The following GABBR2 variants were observed in gnomAD, a reference collection of about 807,000 sequenced individuals.
GABBR2 encodes G-protein coupled receptor 51.
A neutral mutation model predicts 105.6 loss-of-function variants in GABBR2; 23 were observed. The observed-to-expected ratio is 0.22, with a 90% CI of 0.16 to 0.31. The LOEUF is 0.31. Among genes scored for constraint, GABBR2 ranks in the 10% least tolerant of loss-of-function variants. The pLI, the probability that GABBR2 is intolerant of heterozygous loss-of-function variation, is 1.00. For synonymous variants in GABBR2, 478 were observed against 499.7 expected, an observed-to-expected ratio of 0.96 and a Z score of 0.58; for missense variants, 734 against 1,245.5, an observed-to-expected ratio of 0.59 and a Z score of 6.18.
chr9:98,538,650 G>C, intron 3 of GABBR2: 1 of 968,120 alleles, frequency 1.0e-6, no homozygotes, highest in Non-Finnish European at 1.2e-6. Flanking sequence ...ACAGTAATAA[G>C]CTCCGTGGGA....
intron 5 of GABBR2, among the ~76,000 whole-genome samples, chr9:98,479,904 T>C (rs1247455902): frequency 6.6e-6 from 1 of 152,168 alleles, no homozygotes; most frequent in Non-Finnish European, 1.5e-5. Context: ...CCTCTACCAC[T>C]TGGACTTAGG....
At chr9:98,632,265 T>G (rs1002534464) in intron 1 of GABBR2, among the ~76,000 whole-genome samples, 16 of 152,226 alleles carry the variant, frequency 1.1e-4, no homozygotes, top group Non-Finnish European at 2.2e-4. Context: ...AGCCTCCAGT[T>G]TCCTCATCTG....
Position 98,424,416 on chromosome 9 carries a change from G to T in GABBR2, c.1237-18275C>A, listed in dbSNP as rs573505615. 2.2e-3 allele frequency among the ~76,000 whole-genome samples: 335 copies of T among 151,650 alleles called. 3 individuals are homozygous for T. Among genetic ancestry groups the T allele is most frequent in the African/African-American group, 7.3e-3 (301 of 41,360 alleles). ...AACTGGAAGCATTCCCTTTGAAAACGGGCACAAGACAGGGATGCCCTCTCT... is the reference window on the plus strand; with the variant it reads ...AACTGGAAGCATTCCCTTTGAAAACTGGCACAAGACAGGGATGCCCTCTCT... On this transcript the variant is annotated intron_variant, in intron 7 of 18. Transcript: ENST00000259455.
At chr9:98,496,888 T>C (rs1302969805) in intron 3 of GABBR2, among the ~76,000 whole-genome samples, 1 of 152,258 alleles carries the variant, frequency 6.6e-6, no homozygotes, top group Non-Finnish European at 1.5e-5. Flanking sequence ...TTTGCAACAT[T>C]ATTTCACTTT....
intron 3 of GABBR2, among the ~76,000 whole-genome samples, chr9:98,508,932 AGCATGCAGCTGGAGATGT>A (rs903375689): frequency 2.6e-5 from 4 of 152,336 alleles, no homozygotes; most frequent in African/African-American, 9.6e-5. Context: ...TGGTTCTCCC[AGCATGCAGCTGGAGATGT>A]GACAATGGGC....
chr9:98,298,216 T>C (rs1830413379), intron 17 of GABBR2, among the ~76,000 whole-genome samples: 1 of 152,218 alleles, frequency 6.6e-6, no homozygotes, highest in Non-Finnish European at 1.5e-5. Context: ...AATCATAATG[T>C]TGGCTTTCAT....
intron 9 of GABBR2, among the ~76,000 whole-genome samples, chr9:98,391,796 T>C (rs1054868655): frequency 3.3e-5 from 5 of 151,832 alleles, no homozygotes; most frequent in Non-Finnish European, 7.4e-5. Flanking sequence ...CAGCTCAGAG[T>C]GAGGTCCCCT....
At chr9:98,539,097 A>T (rs1828239690) in intron 3 of GABBR2, among the ~76,000 whole-genome samples, 1 of 152,222 alleles carries the variant, frequency 6.6e-6, no homozygotes. Flanking sequence ...AGGACCATGT[A>T]GCGAGGACAC....
chr9:98,692,373 G>A (rs1052759435), intron 1 of GABBR2, among the ~76,000 whole-genome samples: 1 of 152,210 alleles, frequency 6.6e-6, no homozygotes, highest in African/African-American at 2.4e-5. Flanking sequence ...CAGCCACTCT[G>A]AGCGCCTCCC....
chr9:98,410,335 A>T (rs999692470), intron 7 of GABBR2, among the ~76,000 whole-genome samples: 1 of 151,944 alleles, frequency 6.6e-6, no homozygotes, highest in Admixed American at 6.6e-5. Context: ...GGGGGCTGAT[A>T]ACTGTCTGGT....
intron 3 of GABBR2, among the ~76,000 whole-genome samples, chr9:98,502,448 C>G (rs1210135684): frequency 6.6e-6 from 1 of 152,194 alleles, no homozygotes; most frequent in East Asian, 1.9e-4. Flanking sequence ...TAGAATCACC[C>G]AGCCTTGGGT....
chr9:98,633,540 G>C lies in GABBR2; in HGVS notation c.322-55468C>G, dbSNP rs1043350280. On this transcript the variant is annotated intron_variant, in intron 1 of 18. Transcript: ENST00000259455. ...CTTGGGAGGCTGAGGTAGGAGAATC[G>C]CTTGAACCCGGAGGTGGAGGTTACA... Among the ~76,000 whole-genome samples, 3 of 149,802 alleles carry C rather than the reference G, an allele frequency of 2.0e-5. No homozygotes were observed. The Admixed American group carries it at 2.0e-4, about 10-fold the overall frequency.
In GABBR2 at chr9:98,446,668, TAC is replaced by T. The variant is rs553938745; in HGVS notation, c.1236+7311_1236+7312del. Among the ~76,000 whole-genome samples, 338 of 152,166 alleles carry T rather than the reference TAC, an allele frequency of 2.2e-3. 3 individuals carry two copies. Among genetic ancestry groups the T allele is most frequent in the African/African-American group, 7.6e-3 (314 of 41,512 alleles). On this transcript the variant is annotated intron_variant, in intron 7 of 18. Transcript: ENST00000259455. ...TGGGATGTGCTGGGGACACATGAGGTACAGAGAAAGTTCTGGATGGGTTTTCT... is the reference window on the plus strand; with the variant it reads ...TGGGATGTGCTGGGGACACATGAGGTAGAGAAAGTTCTGGATGGGTTTTCT...
intron 13 of GABBR2, among the ~76,000 whole-genome samples, chr9:98,359,006 T>C (rs1831536203): frequency 6.6e-6 from 1 of 152,166 alleles, no homozygotes; most frequent in Non-Finnish European, 1.5e-5. Context: ...AGTTTCCTCA[T>C]CTATAAAATG....
intron 7 of GABBR2, among the ~76,000 whole-genome samples, chr9:98,437,553 C>G (rs1825947050): frequency 6.6e-6 from 1 of 151,674 alleles, no homozygotes. Context: ...ATCTACACAT[C>G]TATCCTTTCA....
intron 13 of GABBR2, among the ~76,000 whole-genome samples, chr9:98,340,514 C>A (rs1019629943): frequency 6.6e-6 from 1 of 151,964 alleles, no homozygotes; most frequent in African/African-American, 2.4e-5. Context: ...CTTGCCTTGG[C>A]TTCCCAAAGT....
intron 8 of GABBR2, among the ~76,000 whole-genome samples, chr9:98,400,146 T>C (rs1564052263): frequency 6.7e-6 from 1 of 149,316 alleles, no homozygotes; most frequent in East Asian, 1.9e-4. Context: ...ATTGTGCCAC[T>C]GTAGTACTCC....
chr9:98,651,870 TA>T (rs2131846364), intron 1 of GABBR2, among the ~76,000 whole-genome samples: 1 of 152,366 alleles, frequency 6.6e-6, no homozygotes, highest in East Asian at 1.9e-4. Context: ...TTTTTTATAT[TA>T]AAGAATTAAT....
chr9:98,335,090 T>C (rs1831089789), intron 13 of GABBR2, among the ~76,000 whole-genome samples: 1 of 152,200 alleles, frequency 6.6e-6, no homozygotes, highest in African/African-American at 2.4e-5. Context: ...CCCATTGCAA[T>C]GAACAATGCT....
Sources: gnomAD v4.1 joint callset for allele counts (sites outside exome capture counted in the v4.1 genomes callset) on GRCh38, gnomAD v4.1.1 for gene constraint, MANE v1.5 for transcripts, NCBI Gene and HGNC (gene_info 2026-07-23, HGNC 2026-07-21) for gene names.